SNTG1: variants seen among roughly 807,000 people sequenced by gnomAD.
SNTG1 encodes syntrophin gamma 1.
SNTG1 carries 39 observed loss-of-function variants against 74.7 expected under a neutral mutation model. The ratio of observed to expected loss-of-function variants is 0.52; its 90% CI spans 0.40 to 0.68. The LOEUF (loss-of-function observed/expected upper bound fraction) is 0.68, where lower values mean the gene tolerates loss of function less well. SNTG1 is among the 30% of genes least tolerant of loss of function. The pLI is 0.00. For synonymous variants in SNTG1, 254 were observed against 217.1 expected, an observed-to-expected ratio of 1.17 and a Z score of -1.49; for missense variants, 685 against 609.5, an observed-to-expected ratio of 1.12 and a Z score of -1.30.
chr8:50,044,034 G>T (rs1818864925), intron 1 of SNTG1, among the ~76,000 whole-genome samples: 1 of 152,050 alleles, frequency 6.6e-6, no homozygotes, highest in African/African-American at 2.4e-5. Context: ...ACATCTCTCT[G>T]AATAGTCACC....
intron 4 of SNTG1, 57 bp downstream of exon 4, chr8:50,402,401 T>C: frequency 2.6e-6 from 4 of 1,539,114 alleles, no homozygotes; most frequent in Non-Finnish European, 3.5e-6. Flanking sequence ...TTAATAAAAA[T>C]GTTTATTCAC....
At chr8:50,417,166 T>C (rs1481471) in intron 4 of SNTG1, among the ~76,000 whole-genome samples, 105,980 of 152,040 alleles carry the variant, frequency 0.7, 37,087 homozygotes, top group East Asian at 0.81. Flanking sequence ...TATACACTTT[T>C]CTAAGTGACA....
chr8:50,248,413 T>C (rs2086495020), intron 2 of SNTG1, among the ~76,000 whole-genome samples: 1 of 152,200 alleles, frequency 6.6e-6, no homozygotes, highest in African/African-American at 2.4e-5. Flanking sequence ...ACAAACATGT[T>C]CTTATACATC....
intron 9 of SNTG1, among the ~76,000 whole-genome samples, chr8:50,505,673 A>T (rs2094000188): frequency 6.6e-6 from 1 of 152,102 alleles, no homozygotes; most frequent in South Asian, 2.1e-4. Flanking sequence ...ATGTCTATTC[A>T]AGTCTACTAT....
At chr8:50,098,966 G>A (rs1033497220) in intron 1 of SNTG1, among the ~76,000 whole-genome samples, 2 of 152,038 alleles carry the variant, frequency 1.3e-5, no homozygotes, top group Non-Finnish European at 2.9e-5. Flanking sequence ...AATGTTACAT[G>A]TACACATAGA....
intron 2 of SNTG1, among the ~76,000 whole-genome samples, chr8:50,243,633 G>T (rs945767095): frequency 6.6e-6 from 1 of 151,832 alleles, no homozygotes; most frequent in South Asian, 2.1e-4. Context: ...CCTACTGTAA[G>T]AGCAAATGTG....
At chr8:50,458,668 G>T (rs1481977517) in intron 8 of SNTG1, among the ~76,000 whole-genome samples, 1 of 151,900 alleles carries the variant, frequency 6.6e-6, no homozygotes, top group East Asian at 1.9e-4. Flanking sequence ...TTGCCATGAA[G>T]TAGCATCACA....
chr8:50,097,213 G>T (rs944415687), intron 1 of SNTG1, among the ~76,000 whole-genome samples: 1 of 151,922 alleles, frequency 6.6e-6, no homozygotes, highest in Non-Finnish European at 1.5e-5. Context: ...CTCGTGATCC[G>T]CTTGCCTTGG....
At chr8:50,520,923 T>C (rs974636352) in intron 9 of SNTG1, among the ~76,000 whole-genome samples, 2 of 152,178 alleles carry the variant, frequency 1.3e-5, no homozygotes, top group South Asian at 4.1e-4. Flanking sequence ...TATTACTGGG[T>C]ATATACCCAA....
chr8:50,182,302 T>G (rs1206014389), intron 2 of SNTG1, among the ~76,000 whole-genome samples: 3 of 152,204 alleles, frequency 2.0e-5, no homozygotes, highest in Non-Finnish European at 4.4e-5. Flanking sequence ...TATTGCCGAT[T>G]GCCCTTCTCC....
rs552156178 is a variant in SNTG1, at chr8:50,796,661, C to A, written c.*3832C>A. On this transcript the variant is annotated 3_prime_UTR_variant, in exon 19 of 19. Coordinates refer to ENST00000642720, the MANE Select transcript of SNTG1 (RefSeq NM_018967.5). ...ACCATACTTTTTTAAATGAAGCATA[C>A]TGGAAAATAAAAACAAATACTTTTT... 32 of 151,974 alleles carry A rather than the reference C, an allele frequency of 2.1e-4. No homozygotes were observed. The highest frequency in any genetic ancestry group is 7.7e-4 in the African/African-American group (32 of 41,516). 9.4% of individuals were successfully genotyped at this position (151,974 alleles called of 1,614,324 possible).
intron 8 of SNTG1, among the ~76,000 whole-genome samples, chr8:50,484,843 G>C (rs995227749): frequency 6.7e-6 from 1 of 150,088 alleles, no homozygotes; most frequent in African/African-American, 2.5e-5. Context: ...TGGGCAACAA[G>C]AGAGAGACTC....
chr8:50,009,725 T>C (rs1009849972), intron 1 of SNTG1, among the ~76,000 whole-genome samples: 1 of 152,174 alleles, frequency 6.6e-6, no homozygotes, highest in African/African-American at 2.4e-5. Flanking sequence ...AGGCTGCCTG[T>C]GGTGGCTCAC....
chr8:50,302,430 T>A (rs2089692099), intron 2 of SNTG1, among the ~76,000 whole-genome samples: 1 of 152,104 alleles, frequency 6.6e-6, no homozygotes, highest in African/African-American at 2.4e-5. Flanking sequence ...TTTTTTTTCA[T>A]ACTTCACTCA....
At chr8:50,335,321 C>T (rs1001934335) in intron 2 of SNTG1, among the ~76,000 whole-genome samples, 1 of 152,220 alleles carries the variant, frequency 6.6e-6, no homozygotes, top group African/African-American at 2.4e-5. Context: ...TACAACATGG[C>T]TCAACAGCAT....
At chr8:49,984,309 G>A (rs1404088750) in intron 1 of SNTG1, among the ~76,000 whole-genome samples, 1 of 151,890 alleles carries the variant, frequency 6.6e-6, no homozygotes, top group African/African-American at 2.4e-5. Context: ...AGATTCAAGC[G>A]ATTCTCCTGC....
rs562819094 is a variant in SNTG1 at position 50,313,446 on chromosome 8, G to A, written c.-27-80766G>A. On this transcript the variant is annotated intron_variant, in intron 2 of 18. Transcript: ENST00000642720. ...AGGGGTTAATATTCAAAATATGGCA[G>A]GAATTCAACTCCATAGCAGGAAAAC... is the stretch of plus-strand genomic sequence containing the variant. Among the ~76,000 whole-genome samples, 28 of 149,642 alleles carry A rather than the reference G, an allele frequency of 1.9e-4. 3 individuals are homozygous for A. In the South Asian group the frequency reaches 6.2e-3, roughly 33 times the overall value.
At chr8:49,925,077 C>A (rs1374391486) in intron 1 of SNTG1, among the ~76,000 whole-genome samples, 1 of 151,900 alleles carries the variant, frequency 6.6e-6, no homozygotes, top group African/African-American at 2.4e-5. Flanking sequence ...TGCTTGAGCC[C>A]AGGAGTTCAA....
chr8:50,341,508 T>A lies in SNTG1; in HGVS notation c.-27-52704T>A, dbSNP rs192800059. On this transcript the variant is annotated intron_variant, in intron 2 of 18. Coordinates refer to ENST00000642720, the MANE Select transcript of SNTG1 (RefSeq NM_018967.5). ...AGTGTCCTACTGTTTGCTACTCCTT[T>A]GAATACCTAATGATGATAGATGAAG... Among the ~76,000 whole-genome samples, 472 of 152,066 alleles carry A rather than the reference T, an allele frequency of 3.1e-3. 2 individuals carry two copies. Among genetic ancestry groups the A allele is most frequent in the African/African-American group, 0.011 (450 of 41,534 alleles).
Sources: gnomAD v4.1 joint callset for allele counts (sites outside exome capture counted in the v4.1 genomes callset) on GRCh38, gnomAD v4.1.1 for gene constraint, MANE v1.5 for transcripts, NCBI Gene and HGNC (gene_info 2026-07-23, HGNC 2026-07-21) for gene names.